TPR: variants seen among roughly 807,000 people sequenced by gnomAD.
The protein encoded by TPR is translocated promoter region, nuclear basket protein, also known as nucleoprotein TPR.
In TPR, 51 loss-of-function variants were observed where a neutral mutation model predicts 316.1. That is an observed-to-expected ratio of 0.16 (90% confidence interval 0.13 to 0.20). The LOEUF (loss-of-function observed/expected upper bound fraction) is 0.20. Ranked by LOEUF, TPR falls within the 10% of genes least tolerant of loss-of-function variation. TPR has a pLI of 1.00. For synonymous variants in TPR, 981 were observed against 914.7 expected, an observed-to-expected ratio of 1.07 and a Z score of -1.31; for missense variants, 2,272 against 2,754.8, an observed-to-expected ratio of 0.82 and a Z score of 3.92.
Position 186,323,895 on chromosome 1 carries a change from T to C in TPR, c.6113-25A>G. 4 of 1,517,472 alleles carry C rather than the reference T, an allele frequency of 2.6e-6. 1 individual carries two copies. The highest frequency in any genetic ancestry group is 1.9e-4 in the Middle Eastern group (1 of 5,290). The allele number at this position is 1,517,472 out of a possible 1,614,324, so 94.0% of individuals were successfully genotyped here. Reference sequence around the variant, plus strand: ...CCTGTAGGAAAAGAGAAATTTACTTTTGAACTGCTAAATTTACCACAAAAA... The same window carrying C: ...CCTGTAGGAAAAGAGAAATTTACTTCTGAACTGCTAAATTTACCACAAAAA... On this transcript the variant is annotated intron_variant, in intron 42 of 50. Coordinates refer to ENST00000367478, the MANE Select transcript of TPR (RefSeq NM_003292.3).
In TPR at chr1:186,349,666, A is replaced by T. The variant is rs538892809; in HGVS notation, c.2776+557T>A. On this transcript the variant is annotated intron_variant, in intron 21 of 50. Coordinates refer to ENST00000367478, the MANE Select transcript of TPR (RefSeq NM_003292.3). ...CAGTGCGAGACTCTCTCTCAAAAAA[A>T]AAAAAAAAAATAAATAAATAAATAA... Among the ~76,000 whole-genome samples the T allele has an allele frequency of 3.3e-5, 5 of 150,670 alleles. No homozygotes were observed. In the South Asian group the frequency reaches 8.3e-4, roughly 25 times the overall value.
intron 42 of TPR, among the ~76,000 whole-genome samples, chr1:186,324,332 A>G (rs1178176766): frequency 6.6e-6 from 1 of 152,242 alleles, no homozygotes; most frequent in Non-Finnish European, 1.5e-5. Context: ...AGGTTAGACC[A>G]TTAGAGAATC....
At position 186,312,191 on chromosome 1, in the gene TPR, G is replaced by C. The variant is rs1309497507; in HGVS notation, c.*1780C>G. 3 of 1,613,842 alleles carry C rather than the reference G, an allele frequency of 1.9e-6. No individual in the cohort carries two copies. The highest frequency in any genetic ancestry group is 4.5e-5 in the East Asian group (2 of 44,868). ...ACATAACAGGTGGCAGCATTCAGCA[G>C]TATATTTATAAACAGGAACCTGTAC... On this transcript the variant is annotated 3_prime_UTR_variant, in exon 51 of 51. Coordinates refer to ENST00000367478, the MANE Select transcript of TPR (RefSeq NM_003292.3).
intron 45 of TPR, among the ~76,000 whole-genome samples, chr1:186,321,282 C>T (rs968822553): frequency 6.6e-6 from 1 of 152,206 alleles, no homozygotes; most frequent in African/African-American, 2.4e-5. Context: ...ATCTACAGAA[C>T]AATCAACCTT....
intron 21 of TPR, among the ~76,000 whole-genome samples, 181 bp from the exon 22 acceptor site, chr1:186,347,639 C>CA: frequency 6.6e-6 from 1 of 151,990 alleles, no homozygotes; most frequent in East Asian, 1.9e-4. Context: ...TCCTCAAAAA[C>CA]AAAAAAATTC....
chr1:186,349,984 G>A (rs532301941), intron 21 of TPR, among the ~76,000 whole-genome samples: 184 of 152,256 alleles, frequency 1.2e-3, no homozygotes, highest in Non-Finnish European at 2.2e-3. Flanking sequence ...TTAGAAAGCT[G>A]GGTACATACC....
chr1:186,320,132 A>T (rs942646414), intron 46 of TPR, among the ~76,000 whole-genome samples, 180 bp downstream of exon 46: 4 of 152,214 alleles, frequency 2.6e-5, no homozygotes, highest in Admixed American at 6.5e-5. Context: ...ACTTTGTTGG[A>T]AAGATAAGAT....
chr1:186,322,774 TATA>T, intron 43 of TPR, 188 bp from the exon 44 acceptor site: 1 of 583,166 alleles, frequency 1.7e-6, no homozygotes, highest in Non-Finnish European at 3.0e-6. Context: ...AATTATAGTC[TATA>T]ATATTAACCA....
intron 42 of TPR, among the ~76,000 whole-genome samples, chr1:186,324,166 A>G (rs1657850017): frequency 6.6e-6 from 1 of 152,180 alleles, no homozygotes; most frequent in Non-Finnish European, 1.5e-5. Context: ...TGGTTTTTCT[A>G]AAGATTTCAG....
rs1658822033 is a variant in TPR at position 186,350,329 on chromosome 1, T to G, written c.2670A>C (p.Thr890=). 6.2e-7 allele frequency: 1 copy of G among 1,613,574 alleles called. No homozygotes were observed. ...LDTETNLHLN[T]KELLKNAQKE... ...TTTGAGCATTTTTTAATAGTTCTTT[T>G]GTGTTAAGATGAAGATTTGTCTCTG... The change falls in exon 21 of 51, where the codon ACA becomes ACC. Residue 890 remains threonine, a synonymous_variant. Transcript: ENST00000367478.
intron 15 of TPR, among the ~76,000 whole-genome samples, chr1:186,355,991 A>G (rs551479884): frequency 5.9e-5 from 9 of 152,190 alleles, no homozygotes; most frequent in Non-Finnish European, 1.2e-4. Context: ...TTAAAACATA[A>G]TCCATATTTA....
At chr1:186,352,301 CATCA>C (rs1658885504) in intron 18 of TPR, among the ~76,000 whole-genome samples, 191 bp from the exon 19 acceptor site, 1 of 151,924 alleles carries the variant, frequency 6.6e-6, no homozygotes, top group Non-Finnish European at 1.5e-5. Context: ...TATTGGGGAT[CATCA>C]ATGAAAAAAT....
chr1:186,325,413 G>A (rs1014207203), intron 42 of TPR: 1 of 168,276 alleles, frequency 5.9e-6, no homozygotes. Flanking sequence ...AAATCTTGAA[G>A]CATGCAGCTT....
In TPR at chr1:186,312,396, A is replaced by C; in HGVS notation, c.*1575T>G. The stretch of plus-strand genomic sequence containing the variant: ...AGGTAACATTTTTATTGTGTTAAAA[A>C]AATCCTTAAACATAAGTAGATGTAA... On this transcript the variant is annotated 3_prime_UTR_variant, in exon 51 of 51. Transcript: ENST00000367478. The C allele has an allele frequency of 6.3e-7, 1 of 1,586,120 alleles. No individual in the cohort carries two copies.
rs368538088 is a variant in TPR, at chr1:186,313,931, T to C, written c.*40A>G. ...TGACAATCATTACACTAAAACAGAT[T>C]TGATAATCTTATTCACAGTTGTTAT... On this transcript the variant is annotated 3_prime_UTR_variant, in exon 51 of 51. Coordinates refer to ENST00000367478, the MANE Select transcript of TPR (RefSeq NM_003292.3). The C allele has an allele frequency of 1.3e-5, 20 of 1,596,116 alleles. No individual in the cohort carries two copies. Among genetic ancestry groups the C allele is most frequent in the Non-Finnish European group, 1.6e-5 (19 of 1,165,268 alleles).
intron 4 of TPR, among the ~76,000 whole-genome samples, chr1:186,365,928 C>T (rs1245684009): frequency 6.6e-6 from 1 of 152,178 alleles, no homozygotes; most frequent in East Asian, 1.9e-4. Context: ...TGCTTCCAAA[C>T]CAGTGCCAGA....
intron 46 of TPR, 41 bp from the exon 47 acceptor site, chr1:186,318,869 CAT>C: frequency 6.3e-7 from 1 of 1,580,952 alleles, no homozygotes; most frequent in East Asian, 2.2e-5. Flanking sequence ...CTGAAAAAAA[CAT>C]AAAATTATCA....
intron 18 of TPR, among the ~76,000 whole-genome samples, chr1:186,352,529 C>G (rs1417203442): frequency 6.6e-6 from 1 of 152,160 alleles, no homozygotes; most frequent in Non-Finnish European, 1.5e-5. Context: ...TTTAAAGTTT[C>G]TCCCTCCCCT....
intron 50 of TPR, 54 bp downstream of exon 50, chr1:186,314,575 C>A: frequency 7.3e-7 from 1 of 1,372,510 alleles, no homozygotes; most frequent in South Asian, 1.3e-5. Flanking sequence ...AAACTTGTTC[C>A]ATTTATTACT....
Sources: gnomAD v4.1 joint callset for allele counts (sites outside exome capture counted in the v4.1 genomes callset) on GRCh38, gnomAD v4.1.1 for gene constraint, MANE v1.5 for transcripts, NCBI Gene and HGNC (gene_info 2026-07-23, HGNC 2026-07-21) for gene names.